Variants in MACROD2 observed in about 807,000 individuals in gnomAD.
The protein encoded by MACROD2 is mono-ADP ribosylhydrolase 2.
Under a neutral mutation model 70.4 loss-of-function variants are expected in MACROD2, and 36 were observed. That is an observed-to-expected ratio of 0.51 (90% CI 0.39 to 0.68). The LOEUF (loss-of-function observed/expected upper bound fraction) is 0.68, where lower values mean the gene tolerates loss of function less well. Among genes scored for constraint, MACROD2 ranks in the 30% least tolerant of loss-of-function variants. The probability of loss-of-function intolerance (pLI) is 0.00; values close to 1 mark genes in which losing one functional copy is unlikely to be tolerated. For synonymous variants in MACROD2, 172 were observed against 178.8 expected (o/e 0.96, Z 0.30); for missense variants, 496 against 538.4 (o/e 0.92, Z 0.78).
chr20:14,167,545 A>C (rs2055285556), intron 3 of MACROD2, among the ~76,000 whole-genome samples: 1 of 151,152 alleles, frequency 6.6e-6, no homozygotes, highest in Non-Finnish European at 1.5e-5. Flanking sequence ...CACCATGCCC[A>C]GCTAATTTTT....
rs537057674 is a variant in MACROD2 at position 15,995,208 on chromosome 20, T to G, written c.1153+8050T>G. 4.6e-5 allele frequency among the ~76,000 whole-genome samples: 7 copies of G among 152,274 alleles called. No individual in the cohort carries two copies. In the East Asian group the frequency reaches 1.2e-3, roughly 25 times the overall value. ...TTTATTCATACATTCCACAAATGCT[T>G]TTAATGCACATGTAATATGTGCCAG... On this transcript the variant is annotated intron_variant, in intron 15 of 17. Transcript: ENST00000684519.
intron 3 of MACROD2, among the ~76,000 whole-genome samples, chr20:14,435,731 G>A (rs1967314453): frequency 6.7e-6 from 1 of 149,796 alleles, no homozygotes; most frequent in South Asian, 2.1e-4. Context: ...TTTTGACATA[G>A]GATCTTGCTC....
intron 5 of MACROD2, among the ~76,000 whole-genome samples, chr20:15,209,141 A>C (rs571989337): frequency 3.5e-5 from 5 of 141,612 alleles, no homozygotes; most frequent in African/African-American, 1.4e-4. Flanking sequence ...TTATTTATTT[A>C]TTTATTTTTT....
chr20:15,388,054 G>A (rs745599037), intron 6 of MACROD2, among the ~76,000 whole-genome samples: 58 of 152,030 alleles, frequency 3.8e-4, no homozygotes, highest in African/African-American at 1.2e-3. Context: ...GGGAGGTTTC[G>A]CTAAACTCCC....
intron 11 of MACROD2, among the ~76,000 whole-genome samples, chr20:15,936,559 G>T (rs111996997): frequency 0.013 from 1,992 of 149,242 alleles, 44 homozygotes; most frequent in African/African-American, 0.046. Context: ...TAGTAACAGG[G>T]TCATAGAACT....
chr20:15,088,239 A>G (rs2075763416), intron 5 of MACROD2, among the ~76,000 whole-genome samples: 1 of 151,720 alleles, frequency 6.6e-6, no homozygotes, highest in Non-Finnish European at 1.5e-5. Context: ...TATAATGGCA[A>G]TAACCTGGAA....
intron 4 of MACROD2, among the ~76,000 whole-genome samples, chr20:14,498,467 G>C (rs73901261): frequency 0.048 from 7,263 of 152,168 alleles, 558 homozygotes; most frequent in African/African-American, 0.17. Context: ...ATTGATTATT[G>C]ATTGGGCAGT....
At chr20:15,771,333 C>T (rs975793476) in intron 8 of MACROD2, among the ~76,000 whole-genome samples, 4 of 150,982 alleles carry the variant, frequency 2.6e-5, no homozygotes, top group African/African-American at 9.8e-5. Context: ...CACCACCACA[C>T]CTGGCTAATT....
At chr20:14,458,793 C>T (rs548972691) in intron 3 of MACROD2, among the ~76,000 whole-genome samples, 2 of 152,004 alleles carry the variant, frequency 1.3e-5, no homozygotes, top group South Asian at 4.1e-4. Context: ...ACAATAAAGT[C>T]AATGTTTTAG....
chr20:15,783,736 C>A (rs1190388484), intron 8 of MACROD2, among the ~76,000 whole-genome samples: 1 of 152,132 alleles, frequency 6.6e-6, no homozygotes, highest in Admixed American at 6.5e-5. Context: ...ATAACTGGAG[C>A]TTTTGCAACC....
At chr20:14,147,176 A>T (rs184204114) in intron 3 of MACROD2, among the ~76,000 whole-genome samples, 4 of 152,302 alleles carry the variant, frequency 2.6e-5, no homozygotes, top group Admixed American at 2.6e-4. Flanking sequence ...AATGCTGTAG[A>T]TATTGCTTCT....
At chr20:15,073,950 A>T (rs2075638615) in intron 5 of MACROD2, among the ~76,000 whole-genome samples, 1 of 152,176 alleles carries the variant, frequency 6.6e-6, no homozygotes, top group Non-Finnish European at 1.5e-5. Flanking sequence ...TTACCAGAAA[A>T]ATTATAACAA....
At chr20:15,258,049 A>G (rs1283821539) in intron 6 of MACROD2, among the ~76,000 whole-genome samples, 1 of 151,952 alleles carries the variant, frequency 6.6e-6, no homozygotes, top group Admixed American at 6.6e-5. Flanking sequence ...AAGTTTAAAA[A>G]AAAAGGTAAA....
chr20:15,986,030 A>G (rs1175790273), intron 13 of MACROD2: 4 of 152,234 alleles, frequency 2.6e-5, no homozygotes, highest in African/African-American at 9.6e-5. Context: ...GTTTCACAAT[A>G]GTCTTCTATA....
At chr20:14,440,460 T>C (rs1246589672) in intron 3 of MACROD2, among the ~76,000 whole-genome samples, 2 of 152,194 alleles carry the variant, frequency 1.3e-5, no homozygotes, top group African/African-American at 4.8e-5. Context: ...GCCAAAAGTT[T>C]GGACATCCCT....
intron 10 of MACROD2, among the ~76,000 whole-genome samples, chr20:15,907,996 C>T (rs905953884): frequency 6.6e-6 from 1 of 152,176 alleles, no homozygotes; most frequent in African/African-American, 2.4e-5. Context: ...CTTTTTTAGA[C>T]ATTCTTTTTC....
In MACROD2 at chr20:14,609,580, G is replaced by A. The variant is rs542201635; in HGVS notation, c.302-75263G>A. Among the ~76,000 whole-genome samples the A allele has an allele frequency of 2.0e-5, 3 of 152,152 alleles. No homozygotes were observed. In the South Asian group the frequency reaches 6.2e-4, roughly 32 times the overall value. Reference sequence around the variant, plus strand: ...TGAGCTGCCTACTCTGAACTTCATTGGCTTTGATTTCCATTGCAACCTAAT... The same window carrying A: ...TGAGCTGCCTACTCTGAACTTCATTAGCTTTGATTTCCATTGCAACCTAAT... On this transcript the variant is annotated intron_variant, in intron 4 of 17. Coordinates refer to ENST00000684519, the MANE Select transcript of MACROD2 (RefSeq NM_001351661.2).
chr20:14,539,350 T>A (rs535886246), intron 4 of MACROD2, among the ~76,000 whole-genome samples: 11 of 152,322 alleles, frequency 7.2e-5, no homozygotes, highest in Admixed American at 2.0e-4. Flanking sequence ...ATACACAGAA[T>A]TTTAGAAATA....
At chr20:15,669,500 C>T (rs1173810046) in intron 8 of MACROD2, among the ~76,000 whole-genome samples, 1 of 152,174 alleles carries the variant, frequency 6.6e-6, no homozygotes, top group East Asian at 1.9e-4. Context: ...GTAGTAACCA[C>T]ATCACTCCCC....
Sources: allele counts gnomAD v4.1 joint callset (sites outside exome capture counted in the v4.1 genomes callset), GRCh38; gene constraint gnomAD v4.1.1; transcripts MANE v1.5; gene names NCBI Gene and HGNC (gene_info 2026-07-23, HGNC 2026-07-21).